MAML1: variants seen among roughly 807,000 people sequenced by gnomAD.
The protein encoded by MAML1 is mastermind-like protein 1.
MAML1 carries 14 observed loss-of-function variants against 77.1 expected under a neutral mutation model. The ratio of observed to expected loss-of-function variants is 0.18; its 90% CI spans 0.12 to 0.28. The LOEUF (loss-of-function observed/expected upper bound fraction) is 0.28, where lower values mean the gene tolerates loss of function less well. MAML1 is among the 10% of genes least tolerant of loss of function. MAML1 has a pLI of 1.00. For missense variants in MAML1, 1,217 were observed against 1,327.8 expected (o/e 0.92, Z 1.30); for synonymous variants, 516 against 551.9 (o/e 0.93, Z 0.91).
intron 3 of MAML1, among the ~76,000 whole-genome samples, chr5:179,770,321 G>A (rs968265311): frequency 2.0e-5 from 3 of 152,080 alleles, no homozygotes; most frequent in Non-Finnish European, 4.4e-5. Context: ...GGTGACGGGC[G>A]CCTGTAGTCC....
intron 1 of MAML1, among the ~76,000 whole-genome samples, chr5:179,749,413 A>G (rs1031139591): frequency 6.6e-6 from 1 of 152,016 alleles, no homozygotes; most frequent in Non-Finnish European, 1.5e-5. Flanking sequence ...GACGTGAGCC[A>G]CCGCACCCAG....
Position 179,733,078 on chromosome 5 carries a change from C to A in MAML1, c.-35C>A. ...GCAGTGCCAGCCGGCCCCGAGAGGC[C>A]CGGCCCCGGGCCCGGCCCGTGCAGC... On this transcript the variant is annotated 5_prime_UTR_variant, in exon 1 of 5. Transcript: ENST00000292599. 1 of 1,263,958 alleles carries A rather than the reference C, an allele frequency of 7.9e-7. No homozygotes were observed. The highest frequency in any genetic ancestry group is 4.4e-5 in the Admixed American group (1 of 22,950). The allele number at this position is 1,263,958 out of a possible 1,614,324, so 78.3% of individuals were successfully genotyped here.
intron 1 of MAML1, among the ~76,000 whole-genome samples, chr5:179,746,850 CAGTG>C (rs770530956): frequency 6.6e-6 from 1 of 152,256 alleles, no homozygotes; most frequent in Admixed American, 6.5e-5. Flanking sequence ...TCTTCACTCT[CAGTG>C]AGAAATATAA....
intron 1 of MAML1, among the ~76,000 whole-genome samples, chr5:179,737,208 C>G (rs62406177): frequency 0.23 from 34,983 of 151,934 alleles, 4,570 homozygotes; most frequent in Non-Finnish European, 0.3. Context: ...CACATTAAAC[C>G]TTGACTTATG....
intron 1 of MAML1, among the ~76,000 whole-genome samples, chr5:179,746,171 C>A (rs956457461): frequency 1.3e-5 from 2 of 150,298 alleles, no homozygotes; most frequent in Non-Finnish European, 1.5e-5. Context: ...CATGGCGAAA[C>A]CCCGTCTCTA....
intron 1 of MAML1, among the ~76,000 whole-genome samples, chr5:179,761,417 C>T (rs1264747340): frequency 6.6e-6 from 1 of 151,954 alleles, no homozygotes; most frequent in Non-Finnish European, 1.5e-5. Flanking sequence ...TAATAAAGGG[C>T]TGGGTGAGGT....
chr5:179,741,851 C>T (rs909679348), intron 1 of MAML1, among the ~76,000 whole-genome samples: 1 of 152,022 alleles, frequency 6.6e-6, no homozygotes, highest in African/African-American at 2.4e-5. Flanking sequence ...TCCCTCTGAG[C>T]ATCTGCACAT....
intron 1 of MAML1, among the ~76,000 whole-genome samples, chr5:179,735,222 C>T (rs59721505): frequency 0.01 from 1,537 of 151,994 alleles, 37 homozygotes; most frequent in African/African-American, 0.035. Flanking sequence ...ATTTAAAGGC[C>T]GCCTGTGGGA....
chr5:179,746,281 G>T (rs1020951634), intron 1 of MAML1, among the ~76,000 whole-genome samples: 4 of 152,090 alleles, frequency 2.6e-5, no homozygotes, highest in African/African-American at 9.7e-5. Flanking sequence ...GGGAGGCAGA[G>T]ATTGCAGTGA....
Position 179,767,938 on chromosome 5 carries a change from C to G in MAML1, c.1732-912C>G, listed in dbSNP as rs537970818. Among the ~76,000 whole-genome samples the G allele has an allele frequency of 2.0e-5, 3 of 152,370 alleles. No individual in the cohort carries two copies. In the East Asian group the frequency reaches 5.8e-4, roughly 29 times the overall value. On this transcript the variant is annotated intron_variant, in intron 2 of 4. Coordinates refer to ENST00000292599, the MANE Select transcript of MAML1 (RefSeq NM_014757.5). ...GGGATAATATTGTGGTGGCCTTTGACATGACTCTCACTTGTGGTCTATATA... is the reference window on the plus strand; with the variant it reads ...GGGATAATATTGTGGTGGCCTTTGAGATGACTCTCACTTGTGGTCTATATA...
chr5:179,739,996 A>G (rs957464214), intron 1 of MAML1, among the ~76,000 whole-genome samples: 6 of 152,216 alleles, frequency 3.9e-5, no homozygotes, highest in Non-Finnish European at 8.8e-5. Context: ...CTTTGTTATA[A>G]TAAGTGCTAA....
chr5:179,752,338 A>AT (rs1451163108), intron 1 of MAML1, among the ~76,000 whole-genome samples: 7 of 50,332 alleles, frequency 1.4e-4, no homozygotes, highest in South Asian at 9.6e-4. Context: ...AAAAAAAAAA[A>AT]AAAAAAAAAA....
chr5:179,748,961 T>TTGTTTG (rs1554149778), intron 1 of MAML1, among the ~76,000 whole-genome samples: 4 of 151,392 alleles, frequency 2.6e-5, no homozygotes, highest in African/African-American at 9.7e-5. Context: ...TTTTTTTTTT[T>TTGTTTG]TTTGTTTTTT....
Position 179,775,085 on chromosome 5 carries a change from C to T in MAML1, c.*208C>T. ...TGAGGTCCATCGGGCTGGCCCCAGCCCATCTGCTGGCATCAGTACCTGGTG... is the reference window on the plus strand; with the variant it reads ...TGAGGTCCATCGGGCTGGCCCCAGCTCATCTGCTGGCATCAGTACCTGGTG... On this transcript the variant is annotated 3_prime_UTR_variant, in exon 5 of 5. Coordinates refer to ENST00000292599, the MANE Select transcript of MAML1 (RefSeq NM_014757.5). 1 of 1,372,528 alleles carries T rather than the reference C, an allele frequency of 7.3e-7. No homozygotes were observed. Among genetic ancestry groups the T allele is most frequent in the East Asian group, 2.7e-5 (1 of 36,706 alleles). The allele number at this position is 1,372,528 out of a possible 1,614,324, so 85.0% of individuals were successfully genotyped here.
chr5:179,772,256 T>C (rs1288063235), intron 4 of MAML1, among the ~76,000 whole-genome samples: 1 of 152,032 alleles, frequency 6.6e-6, no homozygotes, highest in Non-Finnish European at 1.5e-5. Context: ...GCAGCTGGGA[T>C]TACAGGCGCC....
In MAML1 at chr5:179,765,735, C is replaced by A. The variant is rs778196575; in HGVS notation, c.725C>A (p.Pro242Gln). The change falls in exon 2 of 5, where the codon CCA becomes CAA. Residue 242 changes from proline to glutamine, a missense_variant. Transcript: ENST00000292599. ...VGSISQSNLM[P>Q]DLNLNEQEWK... ...TCCATATCGCAAAGCAACCTCATGCCAGACCTCAACCTTAACGAGCAGGAG... is the reference window on the plus strand; with the variant it reads ...TCCATATCGCAAAGCAACCTCATGCAAGACCTCAACCTTAACGAGCAGGAG... 50 of 1,614,002 alleles carry A rather than the reference C, an allele frequency of 3.1e-5. 1 individual carries two copies. The highest frequency in any genetic ancestry group is 4.1e-5 in the Non-Finnish European group (48 of 1,179,922).
In MAML1 at chr5:179,765,700, G is replaced by C. The variant is rs751546910; in HGVS notation, c.690G>C (p.Gly230=). 3.0e-5 allele frequency: 48 copies of C among 1,614,032 alleles called. No individual in the cohort carries two copies. Among genetic ancestry groups the C allele is most frequent in the Non-Finnish European group, 4.1e-5 (48 of 1,180,006 alleles). ...PVEDLPCMIT[G]TVGSISQSNL... is the part of the protein sequence containing the mutation. ...AAGACCTGCCTTGCATGATCACTGGGACTGTCGGCTCCATATCGCAAAGCA... is the reference window on the plus strand; with the variant it reads ...AAGACCTGCCTTGCATGATCACTGGCACTGTCGGCTCCATATCGCAAAGCA... Residue 230 remains glycine (G), a synonymous_variant, in exon 2 of 5, where the codon GGG becomes GGC. Transcript: ENST00000292599.
chr5:179,759,712 A>G (rs981786911), intron 1 of MAML1, among the ~76,000 whole-genome samples: 1 of 152,216 alleles, frequency 6.6e-6, no homozygotes, highest in African/African-American at 2.4e-5. Context: ...ATAGTTAACA[A>G]TTATTGCCTT....
rs1267288897 is a variant in MAML1 at position 179,771,819 on chromosome 5, G to A, written c.2068+576G>A. Among the ~76,000 whole-genome samples, 3 of 152,192 alleles carry A rather than the reference G, an allele frequency of 2.0e-5. No individual in the cohort carries two copies. Among genetic ancestry groups the A allele is most frequent in the Admixed American group, 2.0e-4 (3 of 15,276 alleles). ...AGATTTCAGGGAATGGATACAGGAAGCTCTGGTCTGCCCGCCTTCCTAGCT... is the reference window on the plus strand; with the variant it reads ...AGATTTCAGGGAATGGATACAGGAAACTCTGGTCTGCCCGCCTTCCTAGCT... On this transcript the variant is annotated intron_variant, in intron 4 of 4. Coordinates refer to ENST00000292599, the MANE Select transcript of MAML1 (RefSeq NM_014757.5). This position sits in a 1 kb window ranked among gnomAD's most constrained non-coding sequence, Gnocchi z 4.7.
Sources: allele counts gnomAD v4.1 joint callset (sites outside exome capture counted in the v4.1 genomes callset), GRCh38; gene constraint gnomAD v4.1.1; non-coding constraint Gnocchi (gnomAD v3.1); transcripts MANE v1.5; gene names NCBI Gene and HGNC (gene_info 2026-07-23, HGNC 2026-07-21).